TRPM3: variants seen among roughly 807,000 people sequenced by gnomAD.
TRPM3 encodes long transient receptor potential channel 3.
Under a neutral mutation model 181.2 loss-of-function variants are expected in TRPM3, and 77 were observed. The observed-to-expected ratio is 0.42, with a 90% CI of 0.35 to 0.51. The LOEUF (loss-of-function observed/expected upper bound fraction) is 0.51. TRPM3 is among the 20% of genes least tolerant of loss of function. TRPM3 has a pLI of 0.01. For synonymous variants in TRPM3, 745 were observed against 796.4 expected, an observed-to-expected ratio of 0.94 and a Z score of 1.09; for missense variants, 1,759 against 2,196.7, an observed-to-expected ratio of 0.80 and a Z score of 3.98.
chr9:71,322,135 T>C (rs1417243765), intron 1 of TRPM3, among the ~76,000 whole-genome samples: 1 of 152,120 alleles, frequency 6.6e-6, no homozygotes. Context: ...TTGGATTTTG[T>C]GTTACAATCC....
intron 1 of TRPM3, among the ~76,000 whole-genome samples, chr9:71,341,856 T>TA (rs906399084): frequency 1.3e-5 from 2 of 151,804 alleles, no homozygotes; most frequent in African/African-American, 2.4e-5. Flanking sequence ...TCTTCTGCAT[T>TA]AAAAAAATGC....
At chr9:70,760,629 C>G (rs929825635) in intron 8 of TRPM3, 3 of 151,034 alleles carry the variant, frequency 2.0e-5, no homozygotes, top group African/African-American at 7.3e-5. Flanking sequence ...TGTGTGGATG[C>G]TTTTTGGAGA....
rs1237538167 is a variant in TRPM3, at chr9:70,536,838, A to G, written c.4275T>C (p.Asp1425=). The G allele has an allele frequency of 6.2e-7, 1 of 1,614,168 alleles. No homozygotes were observed. The highest frequency in any genetic ancestry group is 1.7e-5 in the Admixed American group (1 of 60,020). ...YVSAMDELHC[D]IDPLDNSVNI... ...TCACGGAATTGTCCAGAGGGTCTATATCACAGTGGAGCTCATCCATAGCAG... is the reference window on the plus strand; with the variant it reads ...TCACGGAATTGTCCAGAGGGTCTATGTCACAGTGGAGCTCATCCATAGCAG... Residue 1425 remains aspartate, a synonymous_variant, in exon 26 of 26, where the codon GAT becomes GAC. Transcript: ENST00000677713.
intron 18 of TRPM3, among the ~76,000 whole-genome samples, chr9:70,612,539 G>A (rs1248598525): frequency 6.6e-6 from 1 of 152,196 alleles, no homozygotes; most frequent in African/African-American, 2.4e-5. Context: ...ACTCAACTAT[G>A]TAATAATCAC....
chr9:70,916,662 T>C (rs2096598072), intron 1 of TRPM3, among the ~76,000 whole-genome samples: 2 of 152,328 alleles, frequency 1.3e-5, no homozygotes, highest in African/African-American at 2.4e-5. Context: ...TTATTTGATA[T>C]ATAGTTGTAT....
At chr9:70,802,523 A>G (rs1389673709) in intron 6 of TRPM3, among the ~76,000 whole-genome samples, 2 of 152,236 alleles carry the variant, frequency 1.3e-5, no homozygotes, top group African/African-American at 2.4e-5. Context: ...GATAAATTAC[A>G]TAAGGAAACA....
rs1194667683 is a variant in TRPM3 at position 71,420,792 on chromosome 9, AGAGAAAGAAAG to A, written c.183+25850_183+25860del. Among the ~76,000 whole-genome samples the A allele has an allele frequency of 1.5e-4, 10 of 65,696 alleles. 1 individual carries two copies. In the East Asian group the frequency reaches 2.0e-3, roughly 13 times the overall value. The allele number at this position is 65,696 out of a possible 152,430, so 43.1% of individuals were successfully genotyped here. The stretch of plus-strand genomic sequence containing the variant: ...AAGAGAGAGAAAGAGAGAGAAAGAG[AGAGAAAGAAAG>A]AGAGAAAGAAAGAGAGAAAGAGAGG... On this transcript the variant is annotated intron_variant, in intron 1 of 24. Coordinates refer to the TRPM3 transcript ENST00000357533.
intron 1 of TRPM3, among the ~76,000 whole-genome samples, chr9:71,386,772 C>T (rs916472631): frequency 5.3e-5 from 8 of 152,124 alleles, no homozygotes; most frequent in African/African-American, 1.9e-4. Context: ...ATAGCAATAA[C>T]TTTAATAAAT....
chr9:71,269,611 G>A (rs573189476), intron 1 of TRPM3, among the ~76,000 whole-genome samples: 7 of 152,184 alleles, frequency 4.6e-5, no homozygotes, highest in African/African-American at 7.2e-5. Flanking sequence ...TTGTAAATGA[G>A]TTAAAACCTG....
At chr9:71,281,921 C>T (rs1479784932) in intron 1 of TRPM3, among the ~76,000 whole-genome samples, 5 of 151,962 alleles carry the variant, frequency 3.3e-5, no homozygotes, top group Admixed American at 6.6e-5. Flanking sequence ...ATTAGCCAGG[C>T]GTGGTGGCAC....
intron 6 of TRPM3, among the ~76,000 whole-genome samples, chr9:70,812,617 C>A (rs961534598): frequency 4.6e-5 from 7 of 152,180 alleles, no homozygotes; most frequent in Non-Finnish European, 8.8e-5. Flanking sequence ...AGACTGCTGG[C>A]TTAATACTAT....
intron 1 of TRPM3, among the ~76,000 whole-genome samples, chr9:71,338,953 T>C (rs910806679): frequency 2.6e-5 from 4 of 152,146 alleles, no homozygotes; most frequent in African/African-American, 7.2e-5. Context: ...TATTTGTAGA[T>C]AACATGATAG....
At chr9:70,640,344 A>T (rs972914159) in intron 10 of TRPM3, among the ~76,000 whole-genome samples, 19 of 152,210 alleles carry the variant, frequency 1.2e-4, no homozygotes, top group African/African-American at 4.6e-4. Flanking sequence ...ATAGAGATGG[A>T]AATATTTGGA....
At position 70,673,259 on chromosome 9, in the gene TRPM3, C is replaced by G. The variant is rs947886329; in HGVS notation, c.1345+8247G>C. Reference sequence around the variant, plus strand: ...AGACACTGGCTTTGGGGGTTCCATCCTGGACTCCAACTTCTGATGACCAAT... The same window carrying G: ...AGACACTGGCTTTGGGGGTTCCATCGTGGACTCCAACTTCTGATGACCAAT... On this transcript the variant is annotated intron_variant, in intron 9 of 25. Coordinates refer to ENST00000677713, the MANE Select transcript of TRPM3 (RefSeq NM_001366145.2). Among the ~76,000 whole-genome samples the G allele has an allele frequency of 4.9e-5, 7 of 142,244 alleles. No homozygotes were observed. The South Asian group carries it at 1.7e-3, about 35-fold the overall frequency. 93.3% of individuals were successfully genotyped at this position (142,244 alleles called of 152,430 possible).
chr9:71,162,661 T>A (rs1203997347), intron 1 of TRPM3, among the ~76,000 whole-genome samples: 2 of 152,132 alleles, frequency 1.3e-5, no homozygotes, highest in Non-Finnish European at 2.9e-5. Flanking sequence ...TGCTAGTATC[T>A]TAATTTTATT....
At chr9:71,108,447 C>T (rs1565213069) in intron 1 of TRPM3, among the ~76,000 whole-genome samples, 1 of 152,022 alleles carries the variant, frequency 6.6e-6, no homozygotes, top group Non-Finnish European at 1.5e-5. Context: ...GTCTAGGTGG[C>T]CATTTTTAAA....
intron 1 of TRPM3, among the ~76,000 whole-genome samples, chr9:71,111,083 C>A (rs2070971284): frequency 6.6e-6 from 1 of 152,098 alleles, no homozygotes; most frequent in Non-Finnish European, 1.5e-5. Flanking sequence ...ATTTAAAAAA[C>A]AACATATATG....
chr9:71,390,385 A>G (rs1188322429), intron 1 of TRPM3, among the ~76,000 whole-genome samples: 1 of 152,064 alleles, frequency 6.6e-6, no homozygotes, highest in Non-Finnish European at 1.5e-5. Context: ...CTTGGCTCTT[A>G]TACTCTGAAT....
At chr9:71,077,906 C>CTTTTTTTTTTTT (rs574083427) in intron 1 of TRPM3, among the ~76,000 whole-genome samples, 3 of 130,834 alleles carry the variant, frequency 2.3e-5, no homozygotes. Context: ...TTGTTTTTGT[C>CTTTTTTTTTTTT]TTTTTTTTTT....
Sources: allele counts gnomAD v4.1 joint callset (sites outside exome capture counted in the v4.1 genomes callset), GRCh38; gene constraint gnomAD v4.1.1; transcripts MANE v1.5; gene names NCBI Gene and HGNC (gene_info 2026-07-23, HGNC 2026-07-21).